Variants in HUS1 observed in about 807,000 individuals in gnomAD.
The protein encoded by HUS1 is HUS1 checkpoint clamp component, also known as checkpoint protein HUS1.
HUS1 carries 31 observed loss-of-function variants against 32.6 expected under a neutral mutation model. That is an observed-to-expected ratio of 0.95 (90% CI 0.72 to 1.28). The LOEUF is 1.28. Ranked by LOEUF, HUS1 falls within the 50% of genes most tolerant of loss-of-function variation. The pLI, the probability that HUS1 is intolerant of heterozygous loss-of-function variation, is 0.00. For synonymous variants in HUS1, 123 were observed against 116.6 expected (o/e 1.06, Z -0.36); for missense variants, 340 against 337.7 (o/e 1.01, Z -0.05).
At chr7:47,969,141 A>G (rs3176581) in intron 6 of HUS1, 78 bp downstream of exon 6, 83,506 of 697,122 alleles carry the variant, frequency 0.12, 5,758 homozygotes, top group East Asian at 0.22. Context: ...ACCTTTTTAC[A>G]TGAAGAGACC....
intron 7 of HUS1, among the ~76,000 whole-genome samples, chr7:47,967,521 C>T (rs1480822635): frequency 6.6e-6 from 1 of 152,138 alleles, no homozygotes; most frequent in Non-Finnish European, 1.5e-5. Flanking sequence ...TCCAGGTGTG[C>T]TGGCCAACTG....
intron 7 of HUS1, 90 bp downstream of exon 7, chr7:47,967,716 T>G: frequency 2.8e-6 from 3 of 1,068,852 alleles, no homozygotes; most frequent in Non-Finnish European, 2.5e-6. Context: ...TTTGGATTTA[T>G]GAGACTATAT....
chr7:47,967,461 A>G (rs1788501909), intron 7 of HUS1, among the ~76,000 whole-genome samples: 1 of 152,192 alleles, frequency 6.6e-6, no homozygotes, highest in Non-Finnish European at 1.5e-5. Flanking sequence ...GTCAAATTAG[A>G]TGACCATGGA....
intron 4 of HUS1, chr7:47,976,417 A>C (rs964553970): frequency 2.1e-6 from 1 of 473,014 alleles, no homozygotes; most frequent in East Asian, 6.5e-5. Context: ...GGAAAAGATC[A>C]AGTCCTGTGA....
At position 47,965,192 on chromosome 7, in the gene HUS1, T is replaced by A; in HGVS notation, c.*164A>T. 1 of 538,374 alleles carries A rather than the reference T, an allele frequency of 1.9e-6. No homozygotes were observed. The highest frequency in any genetic ancestry group is 3.4e-6 in the Non-Finnish European group (1 of 296,824). The allele number at this position is 538,374 out of a possible 1,614,324, so 33.3% of individuals were successfully genotyped here. ...ATGAAGTGATATGTTTATCCAACTGTGTGTTGTTGAATCAACTTTTAGTTA... is the reference window on the plus strand; with the variant it reads ...ATGAAGTGATATGTTTATCCAACTGAGTGTTGTTGAATCAACTTTTAGTTA... On this transcript the variant is annotated 3_prime_UTR_variant, in exon 8 of 8. Transcript: ENST00000258774.
chr7:47,967,278 T>A (rs1363593996), intron 7 of HUS1, among the ~76,000 whole-genome samples: 4 of 152,166 alleles, frequency 2.6e-5, no homozygotes, highest in Non-Finnish European at 4.4e-5. Flanking sequence ...GGAGCAGGTG[T>A]GTGACCTCAC....
chr7:47,971,329 G>A, intron 5 of HUS1: 1 of 357,280 alleles, frequency 2.8e-6, no homozygotes, highest in South Asian at 2.1e-5. Context: ...GACTGAGGAT[G>A]GCTGAGCCAA....
chr7:47,976,721 ATCACC>A lies in HUS1; in HGVS notation c.465+4_465+8del, dbSNP rs754156039. 2 of 1,486,950 alleles carry A rather than the reference ATCACC, an allele frequency of 1.3e-6. No homozygotes were observed. Among genetic ancestry groups the A allele is most frequent in the South Asian group, 2.3e-5 (2 of 88,490 alleles). The allele number at this position is 1,486,950 out of a possible 1,614,324, so 92.1% of individuals were successfully genotyped here. The stretch of plus-strand genomic sequence containing the variant: ...TGGGGTGTACAGCAGGACTGCAGGC[ATCACC>A]TACATCAGGATCTGGGACCACCGGT... On this transcript the variant is annotated splice_donor_5th_base_variant and intron_variant, in intron 4 of 7. Coordinates refer to ENST00000258774, the MANE Select transcript of HUS1 (RefSeq NM_004507.4).
At chr7:47,972,837 C>T (rs1029368203) in intron 5 of HUS1, among the ~76,000 whole-genome samples, 43 of 152,134 alleles carry the variant, frequency 2.8e-4, no homozygotes, top group Admixed American at 1.8e-3. Context: ...CATTAGGTGA[C>T]CCTGCAGAGC....
chr7:47,979,279 C>T, intron 1 of HUS1, 189 bp downstream of exon 1: 1 of 597,552 alleles, frequency 1.7e-6, no homozygotes. Flanking sequence ...CCACAAGTGC[C>T]CTCCGACCCG....
At position 47,969,230 on chromosome 7, in the gene HUS1, T is replaced by C. The variant is rs1042435792; in HGVS notation, c.629A>G (p.Asn210Ser). The change falls in exon 6 of 8, where the codon AAT becomes AGT. Residue 210 changes from asparagine (N) to serine (S), a missense_variant. Asn to Ser is a conservative substitution (Grantham distance 46, BLOSUM62 1). Transcript: ENST00000258774. Reference protein sequence around the residue: ...CVTTHFKDLGNPPLASESTHE... With the variant: ...CVTTHFKDLGSPPLASESTHE... ...ACTAGAAAACTTACCTAATGGAGGA[T>C]TTCCAAGATCTTTAAAATGAGTTGT... 1.9e-6 allele frequency: 3 copies of C among 1,544,220 alleles called. No homozygotes were observed. The highest frequency in any genetic ancestry group is 2.8e-5 in the African/African-American group (2 of 72,626).
chr7:47,969,215 T>TTAGG lies in HUS1; in HGVS notation c.640+3_640+4insCCTA. On this transcript the variant is annotated splice_donor_region_variant and intron_variant, in intron 6 of 7. Coordinates refer to ENST00000258774, the MANE Select transcript of HUS1 (RefSeq NM_004507.4). ...AGCAAAATATAACCCACTAGAAAAC[T>TTAGG]TACCTAATGGAGGATTTCCAAGATC... 6.8e-7 allele frequency: 1 copy of TTAGG among 1,467,930 alleles called. No homozygotes were observed. The highest frequency in any genetic ancestry group is 9.4e-7 in the Non-Finnish European group (1 of 1,060,998). The allele number at this position is 1,467,930 out of a possible 1,614,324, so 90.9% of individuals were successfully genotyped here.
rs1321256111 is a variant in HUS1 at position 47,963,407 on chromosome 7, T to A, written c.*1949A>T. Reference sequence around the variant, plus strand: ...ATAAACATCACATAGAGCAAATGGTTAAGTCACTAACACATTCTCTTTAAC... The same window carrying A: ...ATAAACATCACATAGAGCAAATGGTAAAGTCACTAACACATTCTCTTTAAC... On this transcript the variant is annotated 3_prime_UTR_variant, in exon 8 of 8. Coordinates refer to ENST00000258774, the MANE Select transcript of HUS1 (RefSeq NM_004507.4). 2.0e-5 allele frequency: 3 copies of A among 152,232 alleles called. No individual in the cohort carries two copies. Among genetic ancestry groups the A allele is most frequent in the South Asian group, 4.1e-4 (2 of 4,834 alleles). The allele number at this position is 152,232 out of a possible 1,614,324, so 9.4% of individuals were successfully genotyped here. A position where few individuals can be genotyped will look rare whatever the true frequency, so the allele number is the denominator to read the frequency against.
intron 4 of HUS1, chr7:47,976,124 C>T (rs570563292): frequency 8.7e-6 from 3 of 344,106 alleles, no homozygotes; most frequent in Admixed American, 3.8e-5. Context: ...TGCATCACAT[C>T]TGAGACTGTT....
chr7:47,976,386 A>T, intron 4 of HUS1: 1 of 463,906 alleles, frequency 2.2e-6, no homozygotes, highest in Non-Finnish European at 4.3e-6. Context: ...GCACATCCAG[A>T]TATCGCTCCT....
Position 47,964,511 on chromosome 7 carries a change from T to C in HUS1, c.*845A>G, listed in dbSNP as rs1404893519. On this transcript the variant is annotated 3_prime_UTR_variant, in exon 8 of 8. Coordinates refer to ENST00000258774, the MANE Select transcript of HUS1 (RefSeq NM_004507.4). ...ACATCTACCAGTACTGAATCAGCTTTGATGTTCAGAAACATCAAAGAAATA... is the reference window on the plus strand; with the variant it reads ...ACATCTACCAGTACTGAATCAGCTTCGATGTTCAGAAACATCAAAGAAATA... 1 of 152,250 alleles carries C rather than the reference T, an allele frequency of 6.6e-6. No homozygotes were observed. Among genetic ancestry groups the C allele is most frequent in the Non-Finnish European group, 1.5e-5 (1 of 68,040 alleles). The allele number at this position is 152,250 out of a possible 1,614,324, so 9.4% of individuals were successfully genotyped here. A position where few individuals can be genotyped will look rare whatever the true frequency, so the allele number is the denominator to read the frequency against.
chr7:47,976,618 C>A, intron 4 of HUS1, 112 bp downstream of exon 4: 1 of 725,990 alleles, frequency 1.4e-6, no homozygotes, highest in Non-Finnish European at 2.5e-6. Context: ...CTAATGTTTT[C>A]GTTAAGTATC....
intron 5 of HUS1, among the ~76,000 whole-genome samples, chr7:47,975,317 CA>C (rs199919857): frequency 0.027 from 1,629 of 61,014 alleles, 11 homozygotes; most frequent in African/African-American, 0.069. Context: ...GACTCTGTCT[CA>C]AAAAAAAAAA....
chr7:47,969,175 A>G, intron 6 of HUS1, 44 bp downstream of exon 6: 1 of 950,472 alleles, frequency 1.1e-6, no homozygotes, highest in South Asian at 1.4e-5. Context: ...TATCTGAAAC[A>G]ATTAACTTAT....
Sources: gnomAD v4.1 joint callset for allele counts (sites outside exome capture counted in the v4.1 genomes callset) on GRCh38, gnomAD v4.1.1 for gene constraint, MANE v1.5 for transcripts, NCBI Gene and HGNC (gene_info 2026-07-23, HGNC 2026-07-21) for gene names.